Variants in DAB1 observed in about 807,000 individuals in gnomAD.
DAB1 encodes disabled homolog 1.
Under a neutral mutation model 64.6 loss-of-function variants are expected in DAB1, and 15 were observed. That is an observed-to-expected ratio of 0.23 (90% confidence interval 0.16 to 0.36). The LOEUF (loss-of-function observed/expected upper bound fraction) is 0.36. DAB1 is among the 10% of genes least tolerant of loss of function. The pLI is 1.00. For missense variants in DAB1, 596 were observed against 706.7 expected (o/e 0.84, Z 1.78); for synonymous variants, 235 against 251.9 (o/e 0.93, Z 0.64).
chr1:58,093,490 T>A (rs1233377278), intron 5 of DAB1, among the ~76,000 whole-genome samples: 1 of 151,906 alleles, frequency 6.6e-6, no homozygotes, highest in Non-Finnish European at 1.5e-5. Flanking sequence ...TGAACCCTAT[T>A]GTGAACTGCG....
At chr1:58,118,609 CATAT>C (rs774322526) in intron 5 of DAB1, among the ~76,000 whole-genome samples, 1,111 of 109,520 alleles carry the variant, frequency 0.01, 16 homozygotes, top group Middle Eastern at 0.014. Flanking sequence ...TATATATATA[CATAT>C]ATATATATAA....
intron 9 of DAB1, among the ~76,000 whole-genome samples, chr1:57,062,033 C>T (rs1345321879): frequency 6.6e-6 from 1 of 152,230 alleles, no homozygotes; most frequent in Non-Finnish European, 1.5e-5. Context: ...CCTTCACTGG[C>T]TCCCGAGAGC....
intron 7 of DAB1, among the ~76,000 whole-genome samples, chr1:57,645,996 C>G (rs1176052171): frequency 1.3e-5 from 2 of 151,928 alleles, no homozygotes; most frequent in Admixed American, 6.6e-5. Context: ...GAAATAAAAA[C>G]AAAGAGTCAT....
intron 3 of DAB1, among the ~76,000 whole-genome samples, chr1:58,450,443 C>T (rs1238445058): frequency 2.6e-5 from 4 of 152,018 alleles, no homozygotes; most frequent in African/African-American, 9.7e-5. Flanking sequence ...TTTAGTGACT[C>T]GCTTCCAAAA....
chr1:58,126,846 T>G (rs948259736), intron 5 of DAB1, among the ~76,000 whole-genome samples: 1 of 149,046 alleles, frequency 6.7e-6, no homozygotes, highest in Non-Finnish European at 1.5e-5. Context: ...ATTTTCTTAA[T>G]CCAGTCTATC....
intron 6 of DAB1, among the ~76,000 whole-genome samples, chr1:57,787,788 A>G (rs2101853538): frequency 6.6e-6 from 1 of 152,294 alleles, no homozygotes; most frequent in South Asian, 2.1e-4. Context: ...AAGGACTCGT[A>G]AGAAGAATAC....
chr1:58,530,413 G>A (rs1646416752), intron 1 of DAB1, among the ~76,000 whole-genome samples: 1 of 152,154 alleles, frequency 6.6e-6, no homozygotes, highest in South Asian at 2.1e-4. Context: ...GAGAGATGTA[G>A]TATTCCTTAA....
At chr1:57,638,098 GA>G (rs920011057) in intron 7 of DAB1, among the ~76,000 whole-genome samples, 1 of 151,880 alleles carries the variant, frequency 6.6e-6, no homozygotes, top group Non-Finnish European at 1.5e-5. Context: ...GTAAAGACTA[GA>G]AAAAATAAAT....
intron 1 of DAB1, among the ~76,000 whole-genome samples, chr1:57,358,430 T>C (rs1192476399): frequency 6.6e-6 from 1 of 152,056 alleles, no homozygotes; most frequent in East Asian, 1.9e-4. Flanking sequence ...CTTCATTCTG[T>C]TACAGTGGTG....
intron 4 of DAB1, among the ~76,000 whole-genome samples, chr1:57,094,949 A>T (rs1426182479): frequency 3.9e-5 from 6 of 152,116 alleles, no homozygotes; most frequent in Non-Finnish European, 8.8e-5. Context: ...CTTGCCCTAT[A>T]TTACTTGTAC....
At position 57,015,398 on chromosome 1, in the gene DAB1, A is replaced by T; in HGVS notation, c.929T>A (p.Phe310Tyr). Residue 310 changes from phenylalanine (F) to tyrosine (Y), a missense_variant, in exon 12 of 15, where the codon TTC becomes TAC. Physicochemically the swap from Phe to Tyr is conservative, Grantham distance 22. This residue lies in a region of DAB1 where 377 missense variants were observed against 400.4 expected (regional missense o/e 0.94). Coordinates refer to ENST00000371236, the MANE Select transcript of DAB1 (RefSeq NM_001365792.1). ...YVAMGAVLPSFWGQQPLVQQQ... is the reference protein window; with the variant it reads ...YVAMGAVLPSYWGQQPLVQQQ... ...TTGGACGAGGGGCTGCTGACCCCAG[A>T]AGGACGGGAGGACAGCGCCCATTGC... 6.2e-7 allele frequency: 1 copy of T among 1,613,674 alleles called. No homozygotes were observed.
At chr1:57,294,798 A>G (rs559243050) in intron 1 of DAB1, among the ~76,000 whole-genome samples, 1 of 152,198 alleles carries the variant, frequency 6.6e-6, no homozygotes, top group Non-Finnish European at 1.5e-5. Context: ...GCAAGTTACA[A>G]GACACTCGTC....
intron 4 of DAB1, among the ~76,000 whole-genome samples, chr1:58,166,354 C>G (rs575565024): frequency 6.6e-6 from 1 of 152,316 alleles, no homozygotes; most frequent in East Asian, 1.9e-4. Context: ...AACCACTAAT[C>G]TACCTTCTGT....
intron 3 of DAB1, among the ~76,000 whole-genome samples, chr1:58,392,010 G>T (rs1340625294): frequency 6.6e-6 from 1 of 152,206 alleles, no homozygotes; most frequent in Non-Finnish European, 1.5e-5. Context: ...ATTCATGAAG[G>T]AATATGCGTA....
intron 4 of DAB1, among the ~76,000 whole-genome samples, chr1:57,104,219 T>C (rs1052970815): frequency 6.6e-6 from 1 of 152,136 alleles, no homozygotes; most frequent in Admixed American, 6.5e-5. Context: ...AACATCCAAG[T>C]GTGTTCTCAA....
chr1:57,258,724 T>C (rs986186041), intron 2 of DAB1, among the ~76,000 whole-genome samples: 5 of 152,188 alleles, frequency 3.3e-5, no homozygotes, highest in Admixed American at 3.3e-4. Flanking sequence ...CAGGATTTGC[T>C]CGCTCTCCAC....
At position 57,010,734 on chromosome 1, in the gene DAB1, C is replaced by A; in HGVS notation, c.1629G>T (p.Glu543Asp). 1.3e-6 allele frequency: 2 copies of A among 1,598,238 alleles called. No homozygotes were observed. The highest frequency in any genetic ancestry group is 1.1e-5 in the South Asian group (1 of 89,100). Residue 543 changes from glutamate to aspartate, a missense_variant, in exon 14 of 15, where the codon GAG (glutamate) becomes GAT (aspartate). Glu to Asp is a conservative substitution (Grantham distance 45). Coordinates refer to ENST00000371236, the MANE Select transcript of DAB1 (RefSeq NM_001365792.1). ...GTGGACTTATATTATCACCACTGGG[C>A]TCCCCACTGGGCTCACCAAATGGAT... is the stretch of plus-strand genomic sequence containing the variant. ...NSDPFGEPSG[E>D]PSGDNISPQA... is the part of the protein sequence containing the mutation.
chr1:57,271,685 G>A lies in DAB1; in HGVS notation c.67+19279C>T, dbSNP rs144763376. Among the ~76,000 whole-genome samples, 487 of 152,256 alleles carry A rather than the reference G, an allele frequency of 3.2e-3. 2 individuals are homozygous for A. The highest frequency in any genetic ancestry group is 0.011 in the African/African-American group (473 of 41,548). On this transcript the variant is annotated intron_variant, in intron 2 of 14. Transcript: ENST00000371236. ...GAGGTCAGTATCCAAGTAGCCCCGCGGAGGGCCTGATTATCTGTGTTTGGC... is the reference window on the plus strand; with the variant it reads ...GAGGTCAGTATCCAAGTAGCCCCGCAGAGGGCCTGATTATCTGTGTTTGGC...
At chr1:58,077,667 G>C (rs1270004254) in intron 5 of DAB1, among the ~76,000 whole-genome samples, 1 of 152,198 alleles carries the variant, frequency 6.6e-6, no homozygotes, top group Non-Finnish European at 1.5e-5. Flanking sequence ...TGCCCCAGCA[G>C]CTAACTGACA....
Sources: gnomAD v4.1 joint callset for allele counts (sites outside exome capture counted in the v4.1 genomes callset) on GRCh38, gnomAD v4.1.1 for gene constraint, gnomAD v4.1.1 regional missense constraint, MANE v1.5 for transcripts, NCBI Gene and HGNC (gene_info 2026-07-23, HGNC 2026-07-21) for gene names.